ACTB: variants seen among roughly 807,000 people sequenced by gnomAD.
ACTB encodes actin beta.
Under a neutral mutation model 30.5 loss-of-function variants are expected in ACTB, and 2 were observed. That is an observed-to-expected ratio of 0.07 (90% CI 0.03 to 0.21). ACTB has a LOEUF of 0.21. ACTB is among the 10% of genes least tolerant of loss of function. The probability of loss-of-function intolerance (pLI) is 1.00; values close to 1 mark genes in which losing one functional copy is unlikely to be tolerated. For synonymous variants in ACTB, 335 were observed against 217.6 expected, an observed-to-expected ratio of 1.54 and a Z score of -4.75; for missense variants, 56 against 530.0, an observed-to-expected ratio of 0.11 and a Z score of 8.78.
rs1784782013 is a variant in ACTB at position 5,527,212 on chromosome 7, GC to G, written c.*535del. ...GTCAGTGTACAGGTAAGCCCTGGCT[GC>G]CTCCACCCACTCCCAGGGAGACCAA... On this transcript the variant is annotated 3_prime_UTR_variant, in exon 6 of 6. Coordinates refer to ENST00000646664, the MANE Select transcript of ACTB (RefSeq NM_001101.5). 4.7e-6 allele frequency: 1 copy of G among 212,910 alleles called. No individual in the cohort carries two copies. Among genetic ancestry groups the G allele is most frequent in the African/African-American group, 2.4e-5 (1 of 41,780 alleles). The allele number at this position is 212,910 out of a possible 1,614,324, so 13.2% of individuals were successfully genotyped here. A position where few individuals can be genotyped will look rare whatever the true frequency, so the allele number is the denominator to read the frequency against.
rs1187201047 is a variant in ACTB, at chr7:5,528,420, C to T, written c.663G>A (p.Leu221=). ...CCGTGGCCATCTCTTGCTCGAAGTC[C>T]AGGGCGACGTAGCACAGCTTCTCCT... The part of the protein sequence containing the change: ...DIKEKLCYVA[L]DFEQEMATAA... The change falls in exon 4 of 6, where the codon CTG becomes CTA. Residue 221 remains leucine (L), a synonymous_variant. Coordinates refer to ENST00000646664, the MANE Select transcript of ACTB (RefSeq NM_001101.5). The T allele has an allele frequency of 1.9e-6, 3 of 1,613,982 alleles. No individual in the cohort carries two copies. The African/African-American group carries it at 4.0e-5, about 22-fold the overall frequency.
intron 3 of ACTB, 159 bp downstream of exon 3, chr7:5,529,002 G>GA (rs1320527489): frequency 6.2e-7 from 1 of 1,602,948 alleles, no homozygotes; most frequent in Non-Finnish European, 8.5e-7. Flanking sequence ...GCTCATCTGG[G>GA]AAAAAGCAAA....
At position 5,529,678 on chromosome 7, in the gene ACTB, G is replaced by A. The variant is rs375195937; in HGVS notation, c.-6-15C>T. 1.2e-5 allele frequency: 20 copies of A among 1,611,278 alleles called. No individual in the cohort carries two copies. The highest frequency in any genetic ancestry group is 8.9e-5 in the East Asian group (4 of 44,860). On this transcript the variant is annotated splice_polypyrimidine_tract_variant and intron_variant, in intron 1 of 5. Coordinates refer to ENST00000646664, the MANE Select transcript of ACTB (RefSeq NM_001101.5). ...TCCATGGTGAGCTGCGAGAATAGCC[G>A]GGCGCGCTGTGAGCCGAGGTCGCCC...
rs768066226 is a variant in ACTB, at chr7:5,529,628, G to C, written c.30C>G (p.Val10=). ...CCTTGCACATGCCGGAGCCGTTGTC[G>C]ACGACGAGCGCGGCGATATCATCAT... is the stretch of plus-strand genomic sequence containing the variant. MDDDIAALV[V]DNGSGMCKAG... is the part of the protein sequence containing the mutation. Residue 10 remains valine, a synonymous_variant, in exon 2 of 6, where the codon GTC becomes GTG. Coordinates refer to ENST00000646664, the MANE Select transcript of ACTB (RefSeq NM_001101.5). The C allele has an allele frequency of 9.9e-6, 16 of 1,611,276 alleles. No homozygotes were observed. The highest frequency in any genetic ancestry group is 2.0e-4 in the Middle Eastern group (1 of 5,060).
At chr7:5,528,258 G>C (rs1231003494) in intron 4 of ACTB, 23 bp downstream of exon 4, 13 of 1,613,656 alleles carry the variant, frequency 8.1e-6, no homozygotes, top group African/African-American at 1.3e-5. Context: ...GTCAGGCAGA[G>C]CCGGGAGACA....
intron 1 of ACTB, 77 bp from the exon 2 acceptor site, chr7:5,529,740 C>CCGCCAGGGGG: frequency 6.2e-7 from 1 of 1,601,604 alleles, no homozygotes; most frequent in Non-Finnish European, 8.5e-7. Flanking sequence ...AGTCCTTAGG[C>CCGCCAGGGGG]CGCCAGGGGG....
chr7:5,528,294 C>T lies in ACTB; in HGVS notation c.789G>A (p.Gln263=). The T allele has an allele frequency of 6.2e-7, 1 of 1,614,170 alleles. No individual in the cohort carries two copies. Among genetic ancestry groups the T allele is most frequent in the Non-Finnish European group, 8.5e-7 (1 of 1,180,040 alleles). ...GTCTCCACTCACCCAGGAAGGAAGG[C>T]TGGAAGAGTGCCTCAGGGCAGCGGA... ...ERFRCPEALF[Q]PSFLGMESCG... is the part of the protein sequence containing the mutation. The change falls in exon 4 of 6, where the codon CAG becomes CAA. Residue 263 remains glutamine (Q), a synonymous_variant. Coordinates refer to ENST00000646664, the MANE Select transcript of ACTB (RefSeq NM_001101.5).
chr7:5,529,760 G>C, intron 1 of ACTB, 97 bp from the exon 2 acceptor site: 1 of 1,578,244 alleles, frequency 6.3e-7, no homozygotes, highest in Non-Finnish European at 8.6e-7. Context: ...GCGCCGGCGC[G>C]CGCCCAGATT....
Position 5,529,592 on chromosome 7 carries a change from C to T in ACTB, c.66G>A (p.Ala22=). 1 of 1,611,484 alleles carries T rather than the reference C, an allele frequency of 6.2e-7. No homozygotes were observed. Among genetic ancestry groups the T allele is most frequent in the Non-Finnish European group, 8.5e-7 (1 of 1,179,642 alleles). Reference sequence around the variant, plus strand: ...AGACGGCCCGGGGGGCATCGTCGCCCGCGAAGCCGGCCTTGCACATGCCGG... The same window carrying T: ...AGACGGCCCGGGGGGCATCGTCGCCTGCGAAGCCGGCCTTGCACATGCCGG... The part of the protein sequence containing the change: ...NGSGMCKAGF[A]GDDAPRAVFP... Residue 22 remains alanine (A), a synonymous_variant, in exon 2 of 6, where the codon GCG becomes GCA. Coordinates refer to ENST00000646664, the MANE Select transcript of ACTB (RefSeq NM_001101.5).
At position 5,527,853 on chromosome 7, in the gene ACTB, G is replaced by A. The variant is rs58704474; in HGVS notation, c.1023C>T (p.Ile341=). ...APPERKYSVW[I]GGSILASLST... Reference sequence around the variant, plus strand: ...ACAGCGAGGCCAGGATGGAGCCGCCGATCCACACGGAGTACTTGCGCTCAG... The same window carrying A: ...ACAGCGAGGCCAGGATGGAGCCGCCAATCCACACGGAGTACTTGCGCTCAG... The change falls in exon 6 of 6, where the codon ATC becomes ATT. Residue 341 remains isoleucine, a synonymous_variant. Transcript: ENST00000646664. 1.9e-3 allele frequency: 3,133 copies of A among 1,613,878 alleles called. 65 individuals are homozygous for A. In the African/African-American group the frequency reaches 0.037, roughly 19 times the overall value.
rs755557217 is a variant in ACTB, at chr7:5,529,013, T to C, written c.363+148A>G. ...AAGAGCTCATCTGGGAAAAAGCAAATAGAACCTGCAGAGTTCCAAAGGAGA... is the reference window on the plus strand; with the variant it reads ...AAGAGCTCATCTGGGAAAAAGCAAACAGAACCTGCAGAGTTCCAAAGGAGA... On this transcript the variant is annotated intron_variant, in intron 3 of 5. Transcript: ENST00000646664. 2.1e-5 allele frequency: 33 copies of C among 1,608,058 alleles called. 1 individual carries two copies. In the African/African-American group the frequency reaches 2.1e-4, roughly 10 times the overall value.
chr7:5,528,892 T>TA, intron 3 of ACTB, 173 bp from the exon 4 acceptor site: 1 of 1,424,532 alleles, frequency 7.0e-7, no homozygotes, highest in Non-Finnish European at 9.7e-7. Flanking sequence ...AAGGCCGCTT[T>TA]ACACCAGCCT....
chr7:5,530,023 G>A (rs941724889), intron 1 of ACTB: 38 of 158,938 alleles, frequency 2.4e-4, no homozygotes, highest in Non-Finnish European at 4.8e-4. Context: ...ACCCCTTCCG[G>A]CCGAGCCCGC....
rs1257725315 is a variant in ACTB, at chr7:5,527,172, T to C, written c.*576A>G. 2 of 175,948 alleles carry C rather than the reference T, an allele frequency of 1.1e-5. No individual in the cohort carries two copies. Among genetic ancestry groups the C allele is most frequent in the Non-Finnish European group, 2.5e-5 (2 of 81,552 alleles). 10.9% of individuals were successfully genotyped at this position (175,948 alleles called of 1,614,324 possible). The stretch of plus-strand genomic sequence containing the variant: ...CTCATTTTTAAGGTGTGCACTTTTA[T>C]TCAACTGGTCTCAAGTCAGTGTACA... On this transcript the variant is annotated 3_prime_UTR_variant, in exon 6 of 6. Transcript: ENST00000646664.
In ACTB at chr7:5,527,686, T is replaced by C. The variant is rs1208988844; in HGVS notation, c.*62A>G. 12 of 1,609,630 alleles carry C rather than the reference T, an allele frequency of 7.5e-6. No homozygotes were observed. Among genetic ancestry groups the C allele is most frequent in the East Asian group, 2.2e-5 (1 of 44,860 alleles). On this transcript the variant is annotated 3_prime_UTR_variant, in exon 6 of 6. Transcript: ENST00000646664. Reference sequence around the variant, plus strand: ...AAATAAAGCCATGCCAATCTCATCTTGTTTTCTGCGCAAGTTAGGTTTTGT... The same window carrying C: ...AAATAAAGCCATGCCAATCTCATCTCGTTTTCTGCGCAAGTTAGGTTTTGT...
At chr7:5,529,834 T>TC (rs938579083) in intron 1 of ACTB, 171 bp from the exon 2 acceptor site, 13 of 1,123,878 alleles carry the variant, frequency 1.2e-5, no homozygotes, top group South Asian at 2.7e-5. Context: ...GTCGGAGGCG[T>TC]CCCCGCGGCG....
In ACTB at chr7:5,529,525, G is replaced by A. The variant is rs775743423; in HGVS notation, c.123+10C>T. ...CTCCCGGGGCTGCCCCACCCAGCCA[G>A]CTCCCCTACCTGGTGCCTGGGGCGC... On this transcript the variant is annotated intron_variant, in intron 2 of 5. Coordinates refer to ENST00000646664, the MANE Select transcript of ACTB (RefSeq NM_001101.5). The A allele has an allele frequency of 1.4e-5, 22 of 1,611,294 alleles. No individual in the cohort carries two copies. The highest frequency in any genetic ancestry group is 1.9e-5 in the Non-Finnish European group (22 of 1,179,016).
Position 5,529,580 on chromosome 7 carries a change from G to A in ACTB, c.78C>T (p.Ala26=), listed in dbSNP as rs1172866708. The A allele has an allele frequency of 1.2e-6, 2 of 1,611,596 alleles. No homozygotes were observed. Among genetic ancestry groups the A allele is most frequent in the South Asian group, 2.2e-5 (2 of 91,024 alleles). Reference sequence around the variant, plus strand: ...CGATGGAGGGGAAGACGGCCCGGGGGGCATCGTCGCCCGCGAAGCCGGCCT... The same window carrying A: ...CGATGGAGGGGAAGACGGCCCGGGGAGCATCGTCGCCCGCGAAGCCGGCCT... The part of the protein sequence containing the change: ...MCKAGFAGDD[A]PRAVFPSIVG... The change falls in exon 2 of 6, where the codon GCC becomes GCT. Residue 26 remains alanine (A), a synonymous_variant. Transcript: ENST00000646664.
intron 1 of ACTB, among the ~76,000 whole-genome samples, chr7:5,530,208 G>T (rs1457229513): frequency 2.6e-5 from 4 of 151,924 alleles, no homozygotes; most frequent in Non-Finnish European, 4.4e-5. Flanking sequence ...GCCTGGCGGG[G>T]GCTCCGCCGC....
Sources: allele counts gnomAD v4.1 joint callset (sites outside exome capture counted in the v4.1 genomes callset), GRCh38; gene constraint gnomAD v4.1.1; transcripts MANE v1.5; gene names NCBI Gene and HGNC (gene_info 2026-07-23, HGNC 2026-07-21).